Variants in CEP128 observed in about 807,000 individuals in gnomAD.
The protein encoded by CEP128 is centrosomal protein 128.
In CEP128, 132 loss-of-function variants were observed where a neutral mutation model predicts 156.7. The ratio of observed to expected loss-of-function variants is 0.84; its 90% CI spans 0.73 to 0.97. CEP128 has a LOEUF of 0.97. CEP128 is among the 50% of genes least tolerant of loss of function. The pLI is 0.00. For synonymous variants in CEP128, 469 were observed against 448.9 expected, an observed-to-expected ratio of 1.04 and a Z score of -0.57; for missense variants, 1,252 against 1,281.9, an observed-to-expected ratio of 0.98 and a Z score of 0.36.
intron 20 of CEP128, among the ~76,000 whole-genome samples, chr14:80,561,896 C>CTATATATA (rs145642470): frequency 0.074 from 10,553 of 142,140 alleles, 490 homozygotes; most frequent in East Asian, 0.11. Context: ...ATACGAAGGT[C>CTATATATA]TATATATATA....
At chr14:80,856,416 C>T (rs905976919) in intron 9 of CEP128, among the ~76,000 whole-genome samples, 4 of 152,140 alleles carry the variant, frequency 2.6e-5, no homozygotes, top group African/African-American at 9.7e-5. Flanking sequence ...GAAGCTGAGA[C>T]AGGCAGATCA....
chr14:80,762,984 C>T (rs892006301), intron 16 of CEP128, among the ~76,000 whole-genome samples: 1 of 152,186 alleles, frequency 6.6e-6, no homozygotes, highest in Non-Finnish European at 1.5e-5. Context: ...ACTCAATTAA[C>T]TACATTCATT....
At chr14:80,740,095 G>C (rs750072107) in intron 19 of CEP128, among the ~76,000 whole-genome samples, 1 of 151,964 alleles carries the variant, frequency 6.6e-6, no homozygotes, top group South Asian at 2.1e-4. Flanking sequence ...TTTTGGAAGA[G>C]TGATTTTTTT....
chr14:80,653,385 AAAG>A (rs1220369227), intron 19 of CEP128, among the ~76,000 whole-genome samples: 1 of 152,176 alleles, frequency 6.6e-6, no homozygotes, highest in East Asian at 1.9e-4. Flanking sequence ...AGATTTCAGA[AAAG>A]AAGTGGTCTC....
chr14:80,763,790 T>C (rs888778373), intron 16 of CEP128, among the ~76,000 whole-genome samples: 3 of 152,166 alleles, frequency 2.0e-5, no homozygotes, highest in Non-Finnish European at 4.4e-5. Context: ...AAGACACAAA[T>C]TCAATATGTG....
At chr14:80,773,051 G>C (rs964337672) in intron 16 of CEP128, among the ~76,000 whole-genome samples, 1 of 152,174 alleles carries the variant, frequency 6.6e-6, no homozygotes, top group Non-Finnish European at 1.5e-5. Context: ...AAGGAGAAAA[G>C]TAAAATGAGG....
chr14:80,822,765 A>G, intron 13 of CEP128: 1 of 771,906 alleles, frequency 1.3e-6, no homozygotes, highest in South Asian at 1.3e-5. Context: ...GACCAGGCAC[A>G]TAAAACTGAA....
intron 19 of CEP128, among the ~76,000 whole-genome samples, chr14:80,617,484 C>T (rs1375869636): frequency 2.0e-5 from 3 of 152,024 alleles, no homozygotes; most frequent in African/African-American, 4.8e-5. Context: ...ATCCGCCGGC[C>T]TCGGCCTCCC....
chr14:80,934,838 T>C (rs1885691778), intron 2 of CEP128, among the ~76,000 whole-genome samples: 1 of 152,196 alleles, frequency 6.6e-6, no homozygotes, highest in East Asian at 1.9e-4. Context: ...ATTTTTTTTC[T>C]GTAAAATTAT....
chr14:80,546,411 C>A (rs1045660578), intron 21 of CEP128, among the ~76,000 whole-genome samples: 1 of 152,152 alleles, frequency 6.6e-6, no homozygotes, highest in Non-Finnish European at 1.5e-5. Flanking sequence ...TTTACCTTAC[C>A]CTGTCACTTA....
chr14:80,518,057 C>CA (rs1888572836), intron 23 of CEP128, among the ~76,000 whole-genome samples: 1 of 150,684 alleles, frequency 6.6e-6, no homozygotes, highest in Non-Finnish European at 1.5e-5. Flanking sequence ...CGTGCAGTTG[C>CA]AAGATTCAAT....
At chr14:80,830,619 C>G (rs947240517) in intron 13 of CEP128, 1 of 174,540 alleles carries the variant, frequency 5.7e-6, no homozygotes, top group African/African-American at 2.4e-5. Context: ...CCTAGTTATA[C>G]TCCATTCACG....
chr14:80,615,391 CA>C (rs1366016797), intron 19 of CEP128, among the ~76,000 whole-genome samples: 1 of 152,142 alleles, frequency 6.6e-6, no homozygotes, highest in Non-Finnish European at 1.5e-5. Context: ...AGAGTATCTC[CA>C]AAAGTAAAAC....
chr14:80,706,432 T>C (rs1897242715), intron 19 of CEP128, among the ~76,000 whole-genome samples: 1 of 152,052 alleles, frequency 6.6e-6, no homozygotes, highest in Non-Finnish European at 1.5e-5. Context: ...CGTGTGTGTG[T>C]GTGTGTATGT....
chr14:80,823,010 C>T lies in CEP128; in HGVS notation c.1209+8133G>A, dbSNP rs559482568. Among the ~76,000 whole-genome samples the T allele has an allele frequency of 7.7e-4, 118 of 152,298 alleles. 1 individual carries two copies. The highest frequency in any genetic ancestry group is 2.8e-3 in the African/African-American group (117 of 41,570). On this transcript the variant is annotated intron_variant, in intron 13 of 24. Transcript: ENST00000555265. ...GACTGATGTGGGGAAAACACCTTTC[C>T]CTTCTGGTTTTGAGAGACTTCCTCT...
At chr14:80,560,136 C>G (rs980212109) in intron 20 of CEP128, among the ~76,000 whole-genome samples, 17 of 152,138 alleles carry the variant, frequency 1.1e-4, no homozygotes, top group Admixed American at 9.2e-4. Context: ...ATTTTAAGAA[C>G]TGGAGGAGGT....
At chr14:80,602,392 C>T (rs1462611537) in intron 19 of CEP128, among the ~76,000 whole-genome samples, 1 of 152,200 alleles carries the variant, frequency 6.6e-6, no homozygotes, top group Non-Finnish European at 1.5e-5. Flanking sequence ...GAACACTTTA[C>T]TCAGCAACAG....
chr14:80,880,908 A>T (rs12587068), intron 8 of CEP128, among the ~76,000 whole-genome samples: 3,890 of 133,596 alleles, frequency 0.029, 86 homozygotes, highest in East Asian at 0.074. Flanking sequence ...TAATAATAAT[A>T]ATTTCAGTAA....
At chr14:80,763,658 A>C (rs1299271447) in intron 16 of CEP128, among the ~76,000 whole-genome samples, 9 of 152,174 alleles carry the variant, frequency 5.9e-5, no homozygotes, top group African/African-American at 2.2e-4. Context: ...ATTGTAATAT[A>C]ATTATTTGCT....
Sources: allele counts gnomAD v4.1 joint callset (sites outside exome capture counted in the v4.1 genomes callset), GRCh38; gene constraint gnomAD v4.1.1; transcripts MANE v1.5; gene names NCBI Gene and HGNC (gene_info 2026-07-23, HGNC 2026-07-21).